MYO3A: variants seen among roughly 807,000 people sequenced by gnomAD.
MYO3A encodes the protein myosin IIIA.
A neutral mutation model predicts 192.7 loss-of-function variants in MYO3A; 180 were observed. The ratio of observed to expected loss-of-function variants is 0.93; its 90% CI spans 0.83 to 1.06. The LOEUF is 1.06. MYO3A is among the 50% of genes least tolerant of loss of function. MYO3A has a pLI of 0.00. For synonymous variants in MYO3A, 628 were observed against 645.3 expected (o/e 0.97, Z 0.41); for missense variants, 1,896 against 1,905.0 (o/e 1.00, Z 0.09).
At chr10:26,185,071 C>T (rs779884634) in intron 31 of MYO3A, among the ~76,000 whole-genome samples, 3 of 152,116 alleles carry the variant, frequency 2.0e-5, no homozygotes, top group Non-Finnish European at 4.4e-5. Flanking sequence ...GAATGCAATA[C>T]ATTCATCATA....
At chr10:25,948,995 T>G (rs1278400499) in intron 2 of MYO3A, among the ~76,000 whole-genome samples, 1 of 152,116 alleles carries the variant, frequency 6.6e-6, no homozygotes, top group Non-Finnish European at 1.5e-5. Context: ...TTTAAACAAA[T>G]TCCTGCTTAT....
intron 33 of MYO3A, among the ~76,000 whole-genome samples, chr10:26,201,533 A>C (rs1443684226): frequency 3.3e-5 from 5 of 151,986 alleles, no homozygotes; most frequent in Non-Finnish European, 7.4e-5. Flanking sequence ...ACAAAAAAAA[A>C]AAATTAGCCG....
intron 4 of MYO3A, among the ~76,000 whole-genome samples, chr10:25,975,323 G>A (rs975432592): frequency 1.3e-5 from 2 of 152,202 alleles, no homozygotes; most frequent in Non-Finnish European, 2.9e-5. Flanking sequence ...CTAGTTAGTT[G>A]CTGTGTTGAA....
At chr10:26,004,485 TGA>T (rs148364842) in intron 6 of MYO3A, among the ~76,000 whole-genome samples, 6,533 of 151,956 alleles carry the variant, frequency 0.043, 173 homozygotes, top group Middle Eastern at 0.067. Context: ...TGAATGCATG[TGA>T]GTGTGTGTGT....
intron 4 of MYO3A, among the ~76,000 whole-genome samples, chr10:25,956,636 G>C (rs1240573726): frequency 1.3e-5 from 2 of 151,116 alleles, no homozygotes; most frequent in African/African-American, 4.9e-5. Context: ...GTTTTTAAAT[G>C]ATTCTACAAA....
intron 6 of MYO3A, among the ~76,000 whole-genome samples, chr10:26,014,818 T>C (rs1841893653): frequency 6.6e-6 from 1 of 152,180 alleles, no homozygotes; most frequent in African/African-American, 2.4e-5. Context: ...TGACAAAAAC[T>C]ATGCTTTTCT....
chr10:26,079,523 C>T (rs9629915), intron 14 of MYO3A, among the ~76,000 whole-genome samples: 45,519 of 151,972 alleles, frequency 0.3, 7,235 homozygotes, highest in Middle Eastern at 0.44. Context: ...ATGTGATATA[C>T]GGTTGCATTC....
At chr10:26,072,008 C>A (rs1835235408) in intron 14 of MYO3A, among the ~76,000 whole-genome samples, 1 of 150,810 alleles carries the variant, frequency 6.6e-6, no homozygotes, top group Non-Finnish European at 1.5e-5. Context: ...AGGAAACTTA[C>A]AATCATGGCA....
At chr10:26,022,721 TTCTG>T (rs1417902370) in intron 8 of MYO3A, 204 of 152,322 alleles carry the variant, frequency 1.3e-3, no homozygotes, top group African/African-American at 4.6e-3. Flanking sequence ...TAAGGTGAAG[TTCTG>T]TACTGCCTTA....
intron 10 of MYO3A, among the ~76,000 whole-genome samples, chr10:26,029,548 T>A (rs936299962): frequency 5.3e-5 from 8 of 152,330 alleles, no homozygotes; most frequent in Non-Finnish European, 8.8e-5. Context: ...TATATACCAA[T>A]ATTTTTTTCG....
At chr10:25,971,222 T>A (rs1449940853) in intron 4 of MYO3A, among the ~76,000 whole-genome samples, 1 of 152,178 alleles carries the variant, frequency 6.6e-6, no homozygotes, top group Non-Finnish European at 1.5e-5. Context: ...TTTGAGTTCC[T>A]GCCTGGTGTG....
At chr10:26,130,719 C>A (rs1839484242) in intron 20 of MYO3A, among the ~76,000 whole-genome samples, 1 of 152,168 alleles carries the variant, frequency 6.6e-6, no homozygotes, top group Non-Finnish European at 1.5e-5. Flanking sequence ...TGAGTATGAT[C>A]AGATTGCTGA....
In MYO3A at chr10:26,120,809, T is replaced by G; in HGVS notation, c.1903+7T>G. 1 of 1,613,938 alleles carries G rather than the reference T, an allele frequency of 6.2e-7. No homozygotes were observed. Among genetic ancestry groups the G allele is most frequent in the African/African-American group, 1.3e-5 (1 of 75,042 alleles). Reference sequence around the variant, plus strand: ...CATACAGCCCTGGAGAACTGTAAGTTTTATTACCTTCTATTCAAAACTGAA... The same window carrying G: ...CATACAGCCCTGGAGAACTGTAAGTGTTATTACCTTCTATTCAAAACTGAA... On this transcript the variant is annotated splice_region_variant and intron_variant, in intron 18 of 34. Coordinates refer to ENST00000642920, the MANE Select transcript of MYO3A (RefSeq NM_017433.5).
At chr10:26,118,002 C>T (rs1175264750) in intron 17 of MYO3A, among the ~76,000 whole-genome samples, 16 of 152,118 alleles carry the variant, frequency 1.1e-4, no homozygotes, top group Admixed American at 1.0e-3. Flanking sequence ...TCACCAGCAT[C>T]TGTTATTTTT....
intron 8 of MYO3A, chr10:26,022,733 T>A (rs1346677003): frequency 1.3e-3 from 204 of 152,340 alleles, no homozygotes; most frequent in African/African-American, 4.6e-3. Flanking sequence ...CTGTACTGCC[T>A]TAGCTGTTTT....
chr10:26,199,318 C>T (rs976271679), intron 32 of MYO3A, among the ~76,000 whole-genome samples: 2 of 152,094 alleles, frequency 1.3e-5, no homozygotes, highest in African/African-American at 2.4e-5. Context: ...TTGGAGAGGC[C>T]GAGGTGGGTG....
rs80253589 is a variant in MYO3A at position 26,016,034 on chromosome 10, A to G, written c.509-786A>G. On this transcript the variant is annotated intron_variant, in intron 6 of 34. Coordinates refer to ENST00000642920, the MANE Select transcript of MYO3A (RefSeq NM_017433.5). ...AACCCATCAAGTCCAGAGCAAGGTG[A>G]AGGGTAGGAGCTCTGTACAGTCAGA... 6.4e-4 allele frequency among the ~76,000 whole-genome samples: 97 copies of G among 152,200 alleles called. 4 individuals are homozygous for G. In the East Asian group the frequency reaches 0.019, roughly 29 times the overall value.
intron 31 of MYO3A, 46 bp from the exon 32 acceptor site, chr10:26,193,159 A>T: frequency 7.5e-7 from 1 of 1,329,396 alleles, no homozygotes; most frequent in East Asian, 2.4e-5. Context: ...TCACTTGATA[A>T]TAGTATTTGT....
chr10:26,088,770 G>A (rs1564536361), intron 15 of MYO3A, among the ~76,000 whole-genome samples: 1 of 152,122 alleles, frequency 6.6e-6, no homozygotes. Context: ...TTAAATGCTA[G>A]CATATATAAA....
Sources: allele counts gnomAD v4.1 joint callset (sites outside exome capture counted in the v4.1 genomes callset), GRCh38; gene constraint gnomAD v4.1.1; transcripts MANE v1.5; gene names NCBI Gene and HGNC (gene_info 2026-07-23, HGNC 2026-07-21).